The following ZMYND11 variants were observed in gnomAD, a reference collection of about 807,000 sequenced individuals.
ZMYND11 encodes the protein zinc finger MYND-type containing 11.
In ZMYND11, 9 loss-of-function variants were observed where a neutral mutation model predicts 84.9. The observed-to-expected ratio is 0.11, with a 90% CI of 0.06 to 0.18. The LOEUF is 0.18. Ranked by LOEUF, ZMYND11 falls within the 10% of genes least tolerant of loss-of-function variation. ZMYND11 has a pLI of 1.00. For missense variants in ZMYND11, 409 were observed against 761.0 expected (o/e 0.54, Z 5.44); for synonymous variants, 250 against 244.1 (o/e 1.02, Z -0.23).
chr10:157,169 C>A lies in ZMYND11; in HGVS notation c.-20+21610C>A, dbSNP rs183342039. On this transcript the variant is annotated intron_variant, in intron 1 of 14. Coordinates refer to ENST00000381604, the MANE Select transcript of ZMYND11 (RefSeq NM_001370100.5). ...GCATAAAAGGTTTATATAATTCTCT[C>A]TAGTATATTTGAAAATTTCCGTAAT... Among the ~76,000 whole-genome samples, 142 of 152,212 alleles carry A rather than the reference C, an allele frequency of 9.3e-4. 1 individual carries two copies. The highest frequency in any genetic ancestry group is 3.4e-3 in the Middle Eastern group (1 of 294).
chr10:216,185 C>T (rs757147723), intron 3 of ZMYND11, among the ~76,000 whole-genome samples: 11 of 152,100 alleles, frequency 7.2e-5, no homozygotes, highest in African/African-American at 1.4e-4. Flanking sequence ...GAACTACCAC[C>T]GTAGGCAGCC....
chr10:179,956 T>C, intron 1 of ZMYND11, 38 bp from the exon 2 acceptor site: 1 of 1,241,052 alleles, frequency 8.1e-7, no homozygotes, highest in Non-Finnish European at 1.2e-6. Context: ...CATTTTGTAA[T>C]CTGTTTTTTT....
intron 2 of ZMYND11, among the ~76,000 whole-genome samples, chr10:200,387 A>T (rs1242258452): frequency 6.8e-6 from 1 of 146,610 alleles, no homozygotes; most frequent in Non-Finnish European, 1.5e-5. Flanking sequence ...TATATATAAC[A>T]ATATATATTA....
At chr10:144,087 TTA>T (rs1838131815) in intron 1 of ZMYND11, among the ~76,000 whole-genome samples, 1 of 152,180 alleles carries the variant, frequency 6.6e-6, no homozygotes, top group African/African-American at 2.4e-5. Context: ...AAAAATAATT[TTA>T]GTCTTAGTTA....
At chr10:132,280 G>A (rs1192519099), upstream of ZMYND11, among the ~76,000 whole-genome samples, 1 of 148,674 alleles carries the variant, frequency 6.7e-6, no homozygotes, top group East Asian at 1.9e-4. Context: ...AAAAAAATAT[G>A]TAATATAATA....
At chr10:223,640 A>G (rs1947550067) in intron 4 of ZMYND11, among the ~76,000 whole-genome samples, 1 of 152,156 alleles carries the variant, frequency 6.6e-6, no homozygotes, top group Non-Finnish European at 1.5e-5. Context: ...AAATTTTCCA[A>G]AGAAATAGTT....
intron 2 of ZMYND11, among the ~76,000 whole-genome samples, chr10:194,348 G>T (rs1027668930): frequency 1.3e-5 from 2 of 152,078 alleles, no homozygotes. Context: ...GAGCCACCAC[G>T]CCTGGCTAGT....
At position 166,594 on chromosome 10, in the gene ZMYND11, C is replaced by T. The variant is rs1285893214; in HGVS notation, c.-19-13400C>T. 5.3e-5 allele frequency among the ~76,000 whole-genome samples: 8 copies of T among 152,072 alleles called. 1 individual carries two copies. The East Asian group carries it at 7.7e-4, about 15-fold the overall frequency. On this transcript the variant is annotated intron_variant, in intron 1 of 14. Coordinates refer to ENST00000381604, the MANE Select transcript of ZMYND11 (RefSeq NM_001370100.5). The stretch of plus-strand genomic sequence containing the variant: ...TTAAAGTAAAAAATTAGGAATAATA[C>T]GTGTTGGTAAAAATGTGGAGAAATT...
At chr10:221,721 T>C (rs550677676) in intron 4 of ZMYND11, among the ~76,000 whole-genome samples, 1 of 152,260 alleles carries the variant, frequency 6.6e-6, no homozygotes, top group South Asian at 2.1e-4. Flanking sequence ...CAGGAAACAG[T>C]TAGCAAAAGG....
intron 14 of ZMYND11, 99 bp downstream of exon 14, chr10:249,187 T>G: frequency 6.4e-7 from 1 of 1,563,420 alleles, no homozygotes; most frequent in Non-Finnish European, 8.6e-7. Flanking sequence ...CAGAAGATGT[T>G]TCTGAAATAA....
At chr10:185,746 C>T (rs1292281755) in intron 2 of ZMYND11, among the ~76,000 whole-genome samples, 2 of 137,628 alleles carry the variant, frequency 1.5e-5, no homozygotes, top group Non-Finnish European at 3.1e-5. Flanking sequence ...ACCCGGGAGG[C>T]GGAGGTTGCA....
chr10:194,162 T>A (rs980082761), intron 2 of ZMYND11, among the ~76,000 whole-genome samples: 2 of 145,574 alleles, frequency 1.4e-5, no homozygotes, highest in Admixed American at 6.8e-5. Flanking sequence ...TTTTTGAATT[T>A]TTTTTTTGGT....
chr10:213,698 G>T (rs954476969), intron 3 of ZMYND11, among the ~76,000 whole-genome samples: 1 of 152,034 alleles, frequency 6.6e-6, no homozygotes, highest in Non-Finnish European at 1.5e-5. Context: ...TATCTCCTGA[G>T]ATACTTTGTA....
At chr10:200,205 G>GTGTGTGTGTGTGTGTGTGTGTGTGT (rs10523531) in intron 2 of ZMYND11, among the ~76,000 whole-genome samples, 1 of 132,434 alleles carries the variant, frequency 7.6e-6, no homozygotes, top group Non-Finnish European at 1.6e-5. Flanking sequence ...GCCTGGCTAG[G>GTGTGTGTGTGTGTGTGTGTGTGTGT]GTGTGTGTGT....
rs764432473 is a variant in ZMYND11, at chr10:223,886, CCTAGAGT to C, written c.438+2534_438+2540del. Among the ~76,000 whole-genome samples, 151 of 152,000 alleles carry C rather than the reference CCTAGAGT, an allele frequency of 9.9e-4. 1 individual carries two copies. Among genetic ancestry groups the C allele is most frequent in the Admixed American group, 2.1e-3 (32 of 15,244 alleles). On this transcript the variant is annotated intron_variant, in intron 4 of 14. Transcript: ENST00000381604. ...TTTAAGTAATCATGGACTAAGAGAA[CCTAGAGT>C]CTATAGACAGAAACTCAAGAACTGT...
intron 10 of ZMYND11, among the ~76,000 whole-genome samples, chr10:242,712 C>T (rs1227875400): frequency 6.6e-6 from 1 of 152,172 alleles, no homozygotes; most frequent in African/African-American, 2.4e-5. Context: ...TTTAAATGAA[C>T]AGTCCATGAG....
chr10:221,123 T>C, intron 3 of ZMYND11, 72 bp from the exon 4 acceptor site: 1 of 1,375,696 alleles, frequency 7.3e-7, no homozygotes, highest in Non-Finnish European at 1.0e-6. Context: ...TGGACATTAG[T>C]TTCAATTTTG....
At chr10:236,737 C>G in intron 4 of ZMYND11, 101 bp from the exon 5 acceptor site, 1 of 1,003,416 alleles carries the variant, frequency 1.0e-6, no homozygotes, top group Non-Finnish European at 1.5e-6. Flanking sequence ...TTAGTAAACT[C>G]TTTGCATACT....
chr10:252,539 G>C lies in ZMYND11; in HGVS notation c.*69G>C. On this transcript the variant is annotated 3_prime_UTR_variant, in exon 15 of 15. Coordinates refer to ENST00000381604, the MANE Select transcript of ZMYND11 (RefSeq NM_001370100.5). The surrounding 1 kb of genome is among the most constrained non-coding windows in gnomAD (Gnocchi z 4.6). ...ACACAGCGGTTTTTGTTTCCAAGAAGCCAAAATTGTTTAGAATTTGCTTCC... is the reference window on the plus strand; with the variant it reads ...ACACAGCGGTTTTTGTTTCCAAGAACCCAAAATTGTTTAGAATTTGCTTCC... 1 of 1,526,414 alleles carries C rather than the reference G, an allele frequency of 6.6e-7. No individual in the cohort carries two copies. The highest frequency in any genetic ancestry group is 8.8e-7 in the Non-Finnish European group (1 of 1,140,578). The allele number at this position is 1,526,414 out of a possible 1,614,324, so 94.6% of individuals were successfully genotyped here. A position where few individuals can be genotyped will look rare whatever the true frequency, so the allele number is the denominator to read the frequency against.
Sources: allele counts gnomAD v4.1 joint callset (sites outside exome capture counted in the v4.1 genomes callset), GRCh38; gene constraint gnomAD v4.1.1; non-coding constraint Gnocchi (gnomAD v3.1); transcripts MANE v1.5; gene names NCBI Gene and HGNC (gene_info 2026-07-23, HGNC 2026-07-21).